The following TGFB3 variants were observed in gnomAD, a reference collection of about 807,000 sequenced individuals.
The protein encoded by TGFB3 is transforming growth factor beta-3 proprotein.
Under a neutral mutation model 40.1 loss-of-function variants are expected in TGFB3, and 5 were observed. The ratio of observed to expected loss-of-function variants is 0.12; its 90% CI spans 0.07 to 0.26. The LOEUF is 0.26. Among genes scored for constraint, TGFB3 ranks in the 10% least tolerant of loss-of-function variants. The pLI is 1.00. For missense variants in TGFB3, 373 were observed against 530.1 expected, an observed-to-expected ratio of 0.70 and a Z score of 2.91; for synonymous variants, 184 against 205.6, an observed-to-expected ratio of 0.89 and a Z score of 0.90.
rs547956256 is a variant in TGFB3 at position 75,971,814 on chromosome 14, C to T, written c.353-96G>A. 6.1e-5 allele frequency: 86 copies of T among 1,407,614 alleles called. 1 individual carries two copies. The South Asian group carries it at 9.9e-4, about 16-fold the overall frequency. 87.2% of individuals were successfully genotyped at this position (1,407,614 alleles called of 1,614,324 possible). ...AGGCACCAAGTGGCCACCGTCCCGC[C>T]TGCCACCTCCCTAGAGGCTTGAGGC... On this transcript the variant is annotated intron_variant, in intron 1 of 6. Coordinates refer to ENST00000238682, the MANE Select transcript of TGFB3 (RefSeq NM_003239.5). The surrounding 1 kb of genome is among the most constrained non-coding windows in gnomAD (Gnocchi z 4.5).
At chr14:75,965,550 C>A (rs774693828) in intron 4 of TGFB3, 38 bp downstream of exon 4, 3 of 1,547,008 alleles carry the variant, frequency 1.9e-6, no homozygotes, top group African/African-American at 2.7e-5. Context: ...AACTTCCCCC[C>A]CACTCACCCA....
chr14:75,969,803 G>T (rs1264130713), intron 3 of TGFB3, among the ~76,000 whole-genome samples: 5 of 152,140 alleles, frequency 3.3e-5, no homozygotes, highest in Admixed American at 2.0e-4. Flanking sequence ...AAATTTAGAA[G>T]TTATCTGGAA....
chr14:75,962,087 G>A (rs1391073526), intron 5 of TGFB3, among the ~76,000 whole-genome samples: 1 of 152,098 alleles, frequency 6.6e-6, no homozygotes, highest in Non-Finnish European at 1.5e-5. Context: ...GTGACCATAA[G>A]GAAAAGGATG....
chr14:75,979,230 C>T lies in TGFB3; in HGVS notation c.352+1312G>A, dbSNP rs965669320. 7.2e-5 allele frequency among the ~76,000 whole-genome samples: 11 copies of T among 152,306 alleles called. No homozygotes were observed. Among genetic ancestry groups the T allele is most frequent in the South Asian group, 2.1e-4 (1 of 4,826 alleles). Reference sequence around the variant, plus strand: ...CCTCTGCCTGGCGTGGAGCCGTGAACGGGGCCTTTGCACCTCCAGCCAGAG... The same window carrying T: ...CCTCTGCCTGGCGTGGAGCCGTGAATGGGGCCTTTGCACCTCCAGCCAGAG... On this transcript the variant is annotated intron_variant, in intron 1 of 6. Transcript: ENST00000238682. This position sits in a 1 kb window ranked among gnomAD's most constrained non-coding sequence, Gnocchi z 4.8.
In TGFB3 at chr14:75,959,347, TG is replaced by T. The variant is rs746360414; in HGVS notation, c.1081-3del. The T allele has an allele frequency of 6.2e-7, 1 of 1,613,880 alleles. No individual in the cohort carries two copies. The highest frequency in any genetic ancestry group is 8.5e-7 in the Non-Finnish European group (1 of 1,179,884). On this transcript the variant is annotated splice_polypyrimidine_tract_variant and splice_region_variant and intron_variant, in intron 6 of 6. Transcript: ENST00000238682. The stretch of plus-strand genomic sequence containing the variant: ...CAGAGTGTTGTACAGTCCCAGCACC[TG>T]GGAAGGGACATGTCAGTGAGAGGTT...
In TGFB3 at chr14:75,979,473, C is replaced by T. The variant is rs930728913; in HGVS notation, c.352+1069G>A. 6.6e-6 allele frequency among the ~76,000 whole-genome samples: 1 copy of T among 152,170 alleles called. No individual in the cohort carries two copies. Among genetic ancestry groups the T allele is most frequent in the African/African-American group, 2.4e-5 (1 of 41,442 alleles). On this transcript the variant is annotated intron_variant, in intron 1 of 6. Coordinates refer to ENST00000238682, the MANE Select transcript of TGFB3 (RefSeq NM_003239.5). The surrounding 1 kb of genome is among the most constrained non-coding windows in gnomAD (Gnocchi z 4.8). ...GTAGGAAAAGCAAACAGAGCTGCTCCCGGAGTCTACGGCCCACGAGTGGCT... is the reference window on the plus strand; with the variant it reads ...GTAGGAAAAGCAAACAGAGCTGCTCTCGGAGTCTACGGCCCACGAGTGGCT...
chr14:75,961,497 A>G (rs1241769452), intron 5 of TGFB3, among the ~76,000 whole-genome samples: 1 of 152,212 alleles, frequency 6.6e-6, no homozygotes, highest in Non-Finnish European at 1.5e-5. Flanking sequence ...CTTGACTACT[A>G]TAGTAGGTGA....
chr14:75,971,587 T>C lies in TGFB3; in HGVS notation c.484A>G (p.Lys162Glu), dbSNP rs749754584. Reference protein sequence around the residue: ...RVLRVPNPSSKRNEQRIELFQ... With the variant: ...RVLRVPNPSSERNEQRIELFQ... ...AGCTCGATCCTCTGCTCATTCCGCT[T>C]AGAGCTGGGGTTGGGCACCCGCAAG... The change falls in exon 2 of 7, where the codon AAG becomes GAG. Residue 162 changes from lysine to glutamate, a missense_variant. Lys to Glu is a moderately conservative substitution (Grantham distance 56). Transcript: ENST00000238682. The surrounding 1 kb of genome is among the most constrained non-coding windows in gnomAD (Gnocchi z 4.5). 2.5e-6 allele frequency: 4 copies of C among 1,614,082 alleles called. No homozygotes were observed. In the Admixed American group the frequency reaches 5.0e-5, roughly 20 times the overall value.
upstream of TGFB3, among the ~76,000 whole-genome samples, chr14:75,982,063 G>A (rs2035442627): frequency 6.6e-6 from 1 of 152,144 alleles, no homozygotes; most frequent in Non-Finnish European, 1.5e-5. The surrounding 1 kb of genome is among the most constrained non-coding windows in gnomAD (Gnocchi z 4.0). Context: ...GGGTGGGGGA[G>A]GGAGGGACCA....
At chr14:75,964,650 T>C (rs4252340) in intron 4 of TGFB3, among the ~76,000 whole-genome samples, 20,893 of 152,132 alleles carry the variant, frequency 0.14, 2,289 homozygotes, top group African/African-American at 0.3. Flanking sequence ...GTAAGATAAA[T>C]GAGAGACCTG....
rs1171819583 is a variant in TGFB3, at chr14:75,979,858, A to G, written c.352+684T>C. On this transcript the variant is annotated intron_variant, in intron 1 of 6. Coordinates refer to ENST00000238682, the MANE Select transcript of TGFB3 (RefSeq NM_003239.5). This position sits in a 1 kb window ranked among gnomAD's most constrained non-coding sequence, Gnocchi z 4.8. ...CCATTTTGAGCACATGAATCTGTCT[A>G]CTGCACAAGACTGCATGTCACCCTA... Among the ~76,000 whole-genome samples, 2 of 152,186 alleles carry G rather than the reference A, an allele frequency of 1.3e-5. No individual in the cohort carries two copies. Among genetic ancestry groups the G allele is most frequent in the African/African-American group, 2.4e-5 (1 of 41,460 alleles).
At position 75,980,689 on chromosome 14, in the gene TGFB3, C is replaced by G. The variant is rs1594792392; in HGVS notation, c.205G>C (p.Val69Leu). ...PTVMTHVPYQ[V>L]LALYNSTREL... ...CGGGTGCTGTTGTAAAGGGCCAGGA[C>G]CTGATAGGGGACGTGGGTCATCACC... The change falls in exon 1 of 7, where the codon GTC becomes CTC. Residue 69 changes from valine to leucine, a missense_variant. Coordinates refer to ENST00000238682, the MANE Select transcript of TGFB3 (RefSeq NM_003239.5). This position sits in a 1 kb window ranked among gnomAD's most constrained non-coding sequence, Gnocchi z 4.3. 6.2e-7 allele frequency: 1 copy of G among 1,614,234 alleles called. No homozygotes were observed. The highest frequency in any genetic ancestry group is 2.2e-5 in the East Asian group (1 of 44,888).
intron 1 of TGFB3, among the ~76,000 whole-genome samples, chr14:75,973,058 T>A (rs2035312442): frequency 6.6e-6 from 1 of 152,270 alleles, no homozygotes; most frequent in African/African-American, 2.4e-5. Flanking sequence ...AAAGAGCCTG[T>A]CTTTTCTCTG....
intron 3 of TGFB3, 168 bp from the exon 4 acceptor site, chr14:75,965,863 G>A (rs4252353): frequency 6.0e-6 from 4 of 669,196 alleles, no homozygotes; most frequent in Non-Finnish European, 1.1e-5. Context: ...GCTCAGAGTG[G>A]ACCTTCAAGC....
At chr14:75,970,994 A>C (rs2035283988) in intron 3 of TGFB3, 132 bp downstream of exon 3, 1 of 1,277,618 alleles carries the variant, frequency 7.8e-7, no homozygotes, top group South Asian at 1.2e-5. Flanking sequence ...TGAATGGAGG[A>C]TACTCAGTGG....
chr14:75,977,177 G>A (rs2035363522), intron 1 of TGFB3, among the ~76,000 whole-genome samples: 1 of 152,238 alleles, frequency 6.6e-6, no homozygotes, highest in Non-Finnish European at 1.5e-5. Context: ...TCTTTGCTGA[G>A]AAACTCTGGG....
intron 1 of TGFB3, among the ~76,000 whole-genome samples, chr14:75,973,151 C>T (rs1382496159): frequency 1.3e-5 from 2 of 152,146 alleles, no homozygotes; most frequent in African/African-American, 2.4e-5. Context: ...AACAATAGCC[C>T]GAAGTTGAAA....
intron 5 of TGFB3, among the ~76,000 whole-genome samples, chr14:75,961,429 T>C (rs187051936): frequency 6.6e-6 from 1 of 152,272 alleles, no homozygotes; most frequent in African/African-American, 2.4e-5. Flanking sequence ...TTGAGGTTGG[T>C]TTTATTTTTA....
intron 3 of TGFB3, chr14:75,966,471 G>T: frequency 6.5e-6 from 1 of 153,024 alleles, no homozygotes. Flanking sequence ...TTCTTCTTTG[G>T]GAATCCTTGT....
Sources: allele counts gnomAD v4.1 joint callset (sites outside exome capture counted in the v4.1 genomes callset), GRCh38; gene constraint gnomAD v4.1.1; non-coding constraint Gnocchi (gnomAD v3.1); transcripts MANE v1.5; gene names NCBI Gene and HGNC (gene_info 2026-07-23, HGNC 2026-07-21).